Variants in GUCA1A observed in about 807,000 individuals in gnomAD.
GUCA1A encodes the protein guanylyl cyclase-activating protein 1.
GUCA1A carries 14 observed loss-of-function variants against 18.5 expected under a neutral mutation model. The ratio of observed to expected loss-of-function variants is 0.76; its 90% CI spans 0.50 to 1.18. The LOEUF is 1.18. Ranked by LOEUF, GUCA1A falls within the 50% of genes most tolerant of loss-of-function variation. The pLI is 0.00. For missense variants in GUCA1A, 264 were observed against 262.4 expected, an observed-to-expected ratio of 1.01 and a Z score of -0.04; for synonymous variants, 97 against 100.2, an observed-to-expected ratio of 0.97 and a Z score of 0.19.
In GUCA1A at chr6:42,173,581, A is replaced by G. The variant is rs1767865500; in HGVS notation, c.-33A>G. The G allele has an allele frequency of 6.4e-7, 1 of 1,569,600 alleles. No homozygotes were observed. The highest frequency in any genetic ancestry group is 8.8e-7 in the Non-Finnish European group (1 of 1,140,714). ...GAGGAGCAGCGAACAGGGCCTGTCC[A>G]TCTCAGACGTCAGCCCCCTGAAGGC... On this transcript the variant is annotated 5_prime_UTR_variant, in exon 1 of 4. Transcript: ENST00000372958.
At position 42,173,559 on chromosome 6, in the gene GUCA1A, G is replaced by A. The variant is rs2113833115; in HGVS notation, c.-55G>A. 1.4e-6 allele frequency: 2 copies of A among 1,432,940 alleles called. No homozygotes were observed. Among genetic ancestry groups the A allele is most frequent in the Non-Finnish European group, 9.8e-7 (1 of 1,017,060 alleles). 88.8% of individuals were successfully genotyped at this position (1,432,940 alleles called of 1,614,324 possible). On this transcript the variant is annotated 5_prime_UTR_variant, in exon 1 of 4. Transcript: ENST00000372958. ...GTCGGCCAAGACACCTTTGGGCGAG[G>A]AGCAGCGAACAGGGCCTGTCCATCT...
rs999979808 is a variant in GUCA1A at position 42,178,153 on chromosome 6, C to G, written c.202-127C>G. 14 of 1,111,064 alleles carry G rather than the reference C, an allele frequency of 1.3e-5. No individual in the cohort carries two copies. The African/African-American group carries it at 1.5e-4, about 12-fold the overall frequency. The allele number at this position is 1,111,064 out of a possible 1,614,324, so 68.8% of individuals were successfully genotyped here. ...CCCCCTCGCTGCATCTCCGAGGGTC[C>G]GGGTCTCCCCTCAGCGTCTCTTGGG... On this transcript the variant is annotated intron_variant, in intron 1 of 3. Coordinates refer to ENST00000372958, the MANE Select transcript of GUCA1A (RefSeq NM_001384910.1).
At chr6:42,175,544 T>C (rs151024040) in intron 1 of GUCA1A, among the ~76,000 whole-genome samples, 1,706 of 151,994 alleles carry the variant, frequency 0.011, 35 homozygotes, top group African/African-American at 0.039. Flanking sequence ...TTTGTATTTT[T>C]AGTAGAGATG....
Position 42,173,689 on chromosome 6 carries a change from A to G in GUCA1A, c.76A>G (p.Met26Val). 1 of 1,613,828 alleles carries G rather than the reference A, an allele frequency of 6.2e-7. No individual in the cohort carries two copies. Among genetic ancestry groups the G allele is most frequent in the East Asian group, 2.2e-5 (1 of 44,884 alleles). Residue 26 changes from methionine to valine, a missense_variant, in exon 1 of 4, where the codon ATG becomes GTG. Coordinates refer to ENST00000372958, the MANE Select transcript of GUCA1A (RefSeq NM_001384910.1). ...GTGCCACCAGTGGTACAAGAAGTTC[A>G]TGACTGAGTGCCCCTCTGGCCAACT... ...TECHQWYKKF[M>V]TECPSGQLTL...
Position 42,179,579 on chromosome 6 carries a change from G to A in GUCA1A, c.*176G>A, listed in dbSNP as rs1768065151. 1 of 584,110 alleles carries A rather than the reference G, an allele frequency of 1.7e-6. No individual in the cohort carries two copies. The highest frequency in any genetic ancestry group is 3.0e-6 in the Non-Finnish European group (1 of 335,162). The allele number at this position is 584,110 out of a possible 1,614,324, so 36.2% of individuals were successfully genotyped here. On this transcript the variant is annotated 3_prime_UTR_variant, in exon 4 of 4. Coordinates refer to ENST00000372958, the MANE Select transcript of GUCA1A (RefSeq NM_001384910.1). ...GTGGGAGTCCAGAGCCAGGAACAGT[G>A]AAGGATGGTTCCTGGCCCCTCTGAG...
intron 1 of GUCA1A, among the ~76,000 whole-genome samples, chr6:42,176,657 C>T (rs2113836138): frequency 6.6e-6 from 1 of 152,300 alleles, no homozygotes; most frequent in Admixed American, 6.5e-5. Flanking sequence ...TGGTCTCGAA[C>T]TCCTGACCTC....
chr6:42,175,328 C>T (rs901097248), intron 1 of GUCA1A, among the ~76,000 whole-genome samples: 1 of 147,104 alleles, frequency 6.8e-6, no homozygotes, highest in African/African-American at 2.5e-5. Flanking sequence ...TGGGGCACAT[C>T]GACCCTGTAT....
At chr6:42,177,262 A>C (rs910560494) in intron 1 of GUCA1A, among the ~76,000 whole-genome samples, 2 of 152,202 alleles carry the variant, frequency 1.3e-5, no homozygotes, top group African/African-American at 2.4e-5. Flanking sequence ...TGGCTTTGTC[A>C]TTCAAACTAG....
At chr6:42,176,695 A>C (rs1767970858) in intron 1 of GUCA1A, among the ~76,000 whole-genome samples, 1 of 152,108 alleles carries the variant, frequency 6.6e-6, no homozygotes, top group African/African-American at 2.4e-5. Context: ...CGGCCTCCCA[A>C]AGTGCTGGGA....
At chr6:42,173,883 G>A in intron 1 of GUCA1A, 69 bp downstream of exon 1, 2 of 1,160,360 alleles carry the variant, frequency 1.7e-6, no homozygotes, top group Non-Finnish European at 2.6e-6. Context: ...GACCAGCTGG[G>A]GGTGAGGAAG....
At chr6:42,178,931 G>A (rs760967429) in intron 3 of GUCA1A, 36 bp downstream of exon 3, 1 of 1,485,080 alleles carries the variant, frequency 6.7e-7, no homozygotes, top group Non-Finnish European at 9.4e-7. Flanking sequence ...CAGCGGAGGG[G>A]TCACCATGGA....
Position 42,178,428 on chromosome 6 carries a change from A to G in GUCA1A, c.350A>G (p.Gln117Arg), listed in dbSNP as rs760079631. ...IDRDELLTII[Q>R]AIRAINPCSD... ...CGCGATGAGCTGCTCACCATCATCC[A>G]GGTGCAGAGGGCCCGGCCAGGGCTG... Residue 117 changes from glutamine to arginine, a missense_variant and splice_region_variant, in exon 2 of 4, where the codon CAG becomes CGG. By Grantham distance (43) the Gln-to-Arg change is conservative. Transcript: ENST00000372958. The G allele has an allele frequency of 1.9e-6, 3 of 1,613,592 alleles. No homozygotes were observed. The highest frequency in any genetic ancestry group is 2.5e-6 in the Non-Finnish European group (3 of 1,179,658).
In GUCA1A at chr6:42,179,037, C is replaced by T. The variant is rs770650398; in HGVS notation, c.445+142C>T. ...CGTGCTGGTCACTTCCTCCACCTGCCTCTGCCCCAGCCACAAAGTTGGCTT... is the reference window on the plus strand; with the variant it reads ...CGTGCTGGTCACTTCCTCCACCTGCTTCTGCCCCAGCCACAAAGTTGGCTT... On this transcript the variant is annotated intron_variant, in intron 3 of 3. Transcript: ENST00000372958. The T allele has an allele frequency of 8.0e-5, 70 of 874,202 alleles. 1 individual carries two copies. Among genetic ancestry groups the T allele is most frequent in the Non-Finnish European group, 1.1e-4 (60 of 530,022 alleles). The allele number at this position is 874,202 out of a possible 1,614,324, so 54.2% of individuals were successfully genotyped here.
intron 3 of GUCA1A, among the ~76,000 whole-genome samples, 167 bp from the exon 4 acceptor site, chr6:42,179,076 G>A (rs1413460795): frequency 6.6e-6 from 1 of 152,158 alleles, no homozygotes; most frequent in Admixed American, 6.5e-5. Context: ...GGGGCCCCTG[G>A]ACCAGAATCT....
At position 42,178,381 on chromosome 6, in the gene GUCA1A, A is replaced by G. The variant is rs780287143; in HGVS notation, c.303A>G (p.Val101=). The G allele has an allele frequency of 1.9e-6, 3 of 1,614,118 alleles. No individual in the cohort carries two copies. The highest frequency in any genetic ancestry group is 1.1e-5 in the South Asian group (1 of 91,082). The stretch of plus-strand genomic sequence containing the variant: ...GCTGGTACTTCAAGCTCTATGATGT[A>G]GATGGCAACGGCTGCATTGACCGCG... ...KLRWYFKLYD[V]DGNGCIDRDE... Residue 101 remains valine (V), a synonymous_variant, in exon 2 of 4, where the codon GTA becomes GTG. Coordinates refer to ENST00000372958, the MANE Select transcript of GUCA1A (RefSeq NM_001384910.1).
chr6:42,179,177 G>A (rs1582324293), intron 3 of GUCA1A, 66 bp from the exon 4 acceptor site: 1 of 1,477,726 alleles, frequency 6.8e-7, no homozygotes, highest in Non-Finnish European at 9.5e-7. Flanking sequence ...CAAGAACCCG[G>A]TTCTGTGCTC....
Position 42,173,623 on chromosome 6 carries a change from G to T in GUCA1A, c.10G>T (p.Val4Leu). 1 of 1,613,886 alleles carries T rather than the reference G, an allele frequency of 6.2e-7. No individual in the cohort carries two copies. Among genetic ancestry groups the T allele is most frequent in the South Asian group, 1.1e-5 (1 of 91,082 alleles). ...CCTGAAGGCCTGAGCAATGGGCAACGTGATGGAGGGAAAGTCAGTGGAGGA... is the reference window on the plus strand; with the variant it reads ...CCTGAAGGCCTGAGCAATGGGCAACTTGATGGAGGGAAAGTCAGTGGAGGA... MGN[V>L]MEGKSVEELS... The change falls in exon 1 of 4, where the codon GTG (valine) becomes TTG (leucine). Residue 4 changes from valine (V) to leucine (L), a missense_variant. Physicochemically the swap from Val to Leu is conservative, Grantham distance 32. Coordinates refer to ENST00000372958, the MANE Select transcript of GUCA1A (RefSeq NM_001384910.1).
chr6:42,178,457 G>A, intron 2 of GUCA1A, 28 bp downstream of exon 2: 5 of 1,605,018 alleles, frequency 3.1e-6, no homozygotes, highest in Non-Finnish European at 4.3e-6. Context: ...AGGGCTGGGG[G>A]CAGCGGTCTG....
At chr6:42,176,618 G>C (rs1255734643) in intron 1 of GUCA1A, among the ~76,000 whole-genome samples, 1 of 152,076 alleles carries the variant, frequency 6.6e-6, no homozygotes. Flanking sequence ...ATTTTTAGTA[G>C]AGACAGGTTT....
Sources: gnomAD v4.1 joint callset for allele counts (sites outside exome capture counted in the v4.1 genomes callset) on GRCh38, gnomAD v4.1.1 for gene constraint, MANE v1.5 for transcripts, NCBI Gene and HGNC (gene_info 2026-07-23, HGNC 2026-07-21) for gene names.